The following CACNA2D4 variants were observed in gnomAD, a reference collection of about 807,000 sequenced individuals.
CACNA2D4 encodes the protein calcium voltage-gated channel auxiliary subunit alpha2delta 4.
Under a neutral mutation model 163.8 loss-of-function variants are expected in CACNA2D4, and 157 were observed. That is an observed-to-expected ratio of 0.96 (90% CI 0.84 to 1.09). The LOEUF (loss-of-function observed/expected upper bound fraction) is 1.09, where lower values mean the gene tolerates loss of function less well. CACNA2D4 is among the 50% of genes least tolerant of loss of function. The pLI is 0.00. For synonymous variants in CACNA2D4, 598 were observed against 586.9 expected (o/e 1.02, Z -0.27); for missense variants, 1,410 against 1,479.9 (o/e 0.95, Z 0.78).
intron 23 of CACNA2D4, among the ~76,000 whole-genome samples, chr12:1,852,904 T>G (rs917715171): frequency 2.0e-5 from 3 of 152,132 alleles, no homozygotes; most frequent in Admixed American, 6.5e-5. Context: ...TTTCCTCATC[T>G]GTCAAATGGC....
rs116679840 is a variant in CACNA2D4, at chr12:1,813,120, C to T, written c.2552-1397G>A. On this transcript the variant is annotated intron_variant, in intron 26 of 37. Transcript: ENST00000382722. ...GTCTCCTCAGCTGCAAGATGAGTCA[C>T]GGTTCTACTTCCCCTGGAAGGGCAG... Among the ~76,000 whole-genome samples, 1,175 of 152,290 alleles carry T rather than the reference C, an allele frequency of 7.7e-3. 16 individuals are homozygous for T. The highest frequency in any genetic ancestry group is 0.027 in the African/African-American group (1,123 of 41,550).
At chr12:1,816,801 C>T (rs1458438613) in intron 26 of CACNA2D4, among the ~76,000 whole-genome samples, 8 of 152,206 alleles carry the variant, frequency 5.3e-5, no homozygotes, top group Non-Finnish European at 8.8e-5. Context: ...CACGGACACA[C>T]ATGCATGCAC....
chr12:1,878,330 G>T lies in CACNA2D4; in HGVS notation c.1704C>A (p.Pro568=). 1 of 1,609,780 alleles carries T rather than the reference G, an allele frequency of 6.2e-7. No individual in the cohort carries two copies. The highest frequency in any genetic ancestry group is 8.5e-7 in the Non-Finnish European group (1 of 1,178,328). Residue 568 remains proline, a synonymous_variant, in exon 16 of 38, where the codon CCC becomes CCA. Coordinates refer to ENST00000382722, the MANE Select transcript of CACNA2D4 (RefSeq NM_172364.5). The surrounding 1 kb of genome is among the most constrained non-coding windows in gnomAD (Gnocchi z 4.6). The part of the protein sequence containing the change: ...NTNNGYILSH[P]DLRPLYREGK... ...CTGTACCTACCAGGGGCCGGAGGTC[G>T]GGATGGGAGAGGATGTAGCCATTGT...
chr12:1,876,469 CA>C (rs919103683), intron 16 of CACNA2D4, among the ~76,000 whole-genome samples: 16 of 152,196 alleles, frequency 1.1e-4, no homozygotes, highest in African/African-American at 3.9e-4. Flanking sequence ...TAACCCCAAT[CA>C]AAAAAGCAAA....
intron 6 of CACNA2D4, among the ~76,000 whole-genome samples, chr12:1,897,593 T>A (rs1866437792): frequency 6.6e-6 from 1 of 152,188 alleles, no homozygotes; most frequent in Non-Finnish European, 1.5e-5. Context: ...ACTTGCTAAC[T>A]AGTAAAAGAG....
At chr12:1,858,517 G>T in intron 20 of CACNA2D4, 60 bp downstream of exon 20, 1 of 1,496,994 alleles carries the variant, frequency 6.7e-7, no homozygotes, top group Non-Finnish European at 9.3e-7. Flanking sequence ...CCTGCCCAGT[G>T]TCCCATGAGA....
chr12:1,876,087 C>A (rs555243251), intron 16 of CACNA2D4, among the ~76,000 whole-genome samples: 1 of 152,230 alleles, frequency 6.6e-6, no homozygotes, highest in Non-Finnish European at 1.5e-5. Flanking sequence ...CAATCGTAAG[C>A]TTGGGCACTG....
chr12:1,841,167 A>G (rs892195429), intron 25 of CACNA2D4, among the ~76,000 whole-genome samples: 1 of 152,186 alleles, frequency 6.6e-6, no homozygotes, highest in Non-Finnish European at 1.5e-5. Flanking sequence ...CAGGAAGGAC[A>G]GGCTGCATTT....
rs71055202 is a variant in CACNA2D4, at chr12:1,851,651, T to TTGTGTGTGTGTGTGTG, written c.2246+2284_2246+2299dup. 2.8e-4 allele frequency among the ~76,000 whole-genome samples: 33 copies of TTGTGTGTGTGTGTGTG among 118,582 alleles called. 1 individual carries two copies. Among genetic ancestry groups the TTGTGTGTGTGTGTGTG allele is most frequent in the Admixed American group, 4.9e-4 (5 of 10,230 alleles). The allele number at this position is 118,582 out of a possible 152,430, so 77.8% of individuals were successfully genotyped here. The stretch of plus-strand genomic sequence containing the variant: ...CTTCTTTGCTTTTTTTGGTGTGTGT[T>TTGTGTGTGTGTGTGTG]TGTGTGTGTGTGTGTGTGTGTGTGT... On this transcript the variant is annotated intron_variant, in intron 23 of 37. Transcript: ENST00000382722.
intron 18 of CACNA2D4, among the ~76,000 whole-genome samples, chr12:1,871,586 G>C (rs931174430): frequency 6.7e-6 from 1 of 150,162 alleles, no homozygotes; most frequent in African/African-American, 2.5e-5. Context: ...TGTGTTGCTG[G>C]TGTATGTGTG....
At chr12:1,812,052 C>G (rs1019963882) in intron 26 of CACNA2D4, among the ~76,000 whole-genome samples, 1 of 152,162 alleles carries the variant, frequency 6.6e-6, no homozygotes, top group African/African-American at 2.4e-5. Flanking sequence ...TGGGACAGCT[C>G]AGTCTCCCCT....
chr12:1,908,414 C>T (rs1866721110), intron 4 of CACNA2D4, among the ~76,000 whole-genome samples: 1 of 152,218 alleles, frequency 6.6e-6, no homozygotes, highest in African/African-American at 2.4e-5. Flanking sequence ...AGGAAGGTCC[C>T]AGAGCCCCAG....
At chr12:1,822,482 C>G (rs563372821) in intron 26 of CACNA2D4, among the ~76,000 whole-genome samples, 10 of 146,546 alleles carry the variant, frequency 6.8e-5, no homozygotes, top group African/African-American at 2.5e-4. Context: ...GGACACCACC[C>G]TGAGCCCGGC....
intron 13 of CACNA2D4, among the ~76,000 whole-genome samples, chr12:1,881,353 C>T (rs1865992302): frequency 6.6e-6 from 1 of 152,224 alleles, no homozygotes; most frequent in African/African-American, 2.4e-5. Context: ...GTTGCCTCTA[C>T]CCACCTTCTG....
At chr12:1,796,715 A>G (rs1307199868) in intron 35 of CACNA2D4, among the ~76,000 whole-genome samples, 1 of 152,174 alleles carries the variant, frequency 6.6e-6, no homozygotes, top group Non-Finnish European at 1.5e-5. Flanking sequence ...ATGGTGTGCC[A>G]CGGGCCCGGG....
At chr12:1,849,767 G>C (rs1490366877) in intron 23 of CACNA2D4, among the ~76,000 whole-genome samples, 2 of 152,114 alleles carry the variant, frequency 1.3e-5, no homozygotes, top group African/African-American at 2.4e-5. Flanking sequence ...ATATACGCAT[G>C]TACATTTATA....
In CACNA2D4 at chr12:1,831,245, C is replaced by T. The variant is rs751247965; in HGVS notation, c.2551+9494G>A. The T allele has an allele frequency of 2.2e-5, 35 of 1,613,726 alleles. No homozygotes were observed. The Admixed American group carries it at 5.3e-4, about 25-fold the overall frequency. The stretch of plus-strand genomic sequence containing the variant: ...TGACTGAGCTTCAGCTGCGCAATAA[C>T]AGCATCAGGACCCTGGACAGGGACC... On this transcript the variant is annotated intron_variant, in intron 26 of 37. Coordinates refer to ENST00000382722, the MANE Select transcript of CACNA2D4 (RefSeq NM_172364.5).
At chr12:1,811,074 C>A (rs565355265) in intron 27 of CACNA2D4, among the ~76,000 whole-genome samples, 24 of 152,342 alleles carry the variant, frequency 1.6e-4, no homozygotes, top group African/African-American at 5.5e-4. Context: ...TGCCCTCCAT[C>A]CCTCTCGATT....
chr12:1,874,668 G>A lies in CACNA2D4; in HGVS notation c.1814C>T (p.Thr605Ile). The A allele has an allele frequency of 6.2e-7, 1 of 1,611,450 alleles. No individual in the cohort carries two copies. Among genetic ancestry groups the A allele is most frequent in the Middle Eastern group, 1.6e-4 (1 of 6,062 alleles). ...ACCTGTTTCCCTATTGATCATGGCT[G>A]TTCTCAGCTTCAGGAGGAAAGACAA... is the stretch of plus-strand genomic sequence containing the variant. ...EWEDQAESLR[T>I]AMINRETGTL... is the part of the protein sequence containing the mutation. The change falls in exon 18 of 38, where the codon ACA (threonine) becomes ATA (isoleucine). Residue 605 changes from threonine to isoleucine, a missense_variant. Physicochemically the swap from Thr to Ile is moderately conservative, Grantham distance 89. Transcript: ENST00000382722. This position sits in a 1 kb window ranked among gnomAD's most constrained non-coding sequence, Gnocchi z 4.4.
Sources: gnomAD v4.1 joint callset for allele counts (sites outside exome capture counted in the v4.1 genomes callset) on GRCh38, gnomAD v4.1.1 for gene constraint, Gnocchi (gnomAD v3.1) non-coding constraint, MANE v1.5 for transcripts, NCBI Gene and HGNC (gene_info 2026-07-23, HGNC 2026-07-21) for gene names.